The following CCSER1 variants were observed in gnomAD, a reference collection of about 807,000 sequenced individuals.
CCSER1 encodes coiled-coil serine rich protein 1, also known as serine-rich coiled-coil domain-containing protein 1.
A neutral mutation model predicts 82.0 loss-of-function variants in CCSER1; 41 were observed. That is an observed-to-expected ratio of 0.50 (90% confidence interval 0.39 to 0.65). The LOEUF is 0.65. Ranked by LOEUF, CCSER1 falls within the 30% of genes least tolerant of loss-of-function variation. The pLI, the probability that CCSER1 is intolerant of heterozygous loss-of-function variation, is 0.00. For synonymous variants in CCSER1, 414 were observed against 383.9 expected, an observed-to-expected ratio of 1.08 and a Z score of -0.92; for missense variants, 1,119 against 1,064.2, an observed-to-expected ratio of 1.05 and a Z score of -0.72.
chr4:91,039,656 C>T (rs1334612240), intron 9 of CCSER1, among the ~76,000 whole-genome samples: 1 of 151,716 alleles, frequency 6.6e-6, no homozygotes, highest in Non-Finnish European at 1.5e-5. Flanking sequence ...CATACATACA[C>T]ATATATATTT....
intron 10 of CCSER1, among the ~76,000 whole-genome samples, chr4:91,111,380 G>T (rs1726080768): frequency 6.6e-6 from 1 of 151,938 alleles, no homozygotes; most frequent in Admixed American, 6.6e-5. Flanking sequence ...GTTTTAAAAT[G>T]ACATTGTTAA....
intron 10 of CCSER1, among the ~76,000 whole-genome samples, chr4:91,551,283 T>C (rs138018301): frequency 1.3e-5 from 2 of 152,256 alleles, no homozygotes; most frequent in African/African-American, 4.8e-5. Context: ...AGTGCCTTTA[T>C]AGATTAAAGG....
chr4:91,101,625 C>T (rs1195696576), intron 10 of CCSER1, among the ~76,000 whole-genome samples: 1 of 79,908 alleles, frequency 1.3e-5, no homozygotes, highest in African/African-American at 5.1e-5. Context: ...CAGAGCAAGA[C>T]TCCGTCTCAA....
chr4:90,427,091 C>T (rs1177363900), intron 4 of CCSER1, among the ~76,000 whole-genome samples: 3 of 152,020 alleles, frequency 2.0e-5, no homozygotes, highest in East Asian at 1.9e-4. Context: ...AATTTATAAA[C>T]GTTTAGAGAC....
Position 91,153,892 on chromosome 4 carries a change from C to T in CCSER1, c.2217+67898C>T, listed in dbSNP as rs1422749926. 6.6e-5 allele frequency among the ~76,000 whole-genome samples: 10 copies of T among 151,960 alleles called. 1 individual carries two copies. Among genetic ancestry groups the T allele is most frequent in the East Asian group, 3.9e-4 (2 of 5,154 alleles). The stretch of plus-strand genomic sequence containing the variant: ...GGAAGCTTTGTCTCAGAGGGGCCCC[C>T]GGCTGTATGAGGTGTCAGTCGGCCC... On this transcript the variant is annotated intron_variant, in intron 10 of 10. Transcript: ENST00000509176.
At chr4:91,020,518 CG>C (rs1467244551) in intron 9 of CCSER1, among the ~76,000 whole-genome samples, 1 of 151,888 alleles carries the variant, frequency 6.6e-6, no homozygotes, top group Non-Finnish European at 1.5e-5. Context: ...AAAAATTAGC[CG>C]GGTGTGGTGG....
Position 91,170,393 on chromosome 4 carries a change from A to T in CCSER1, c.2217+84399A>T, listed in dbSNP as rs919454457. Among the ~76,000 whole-genome samples the T allele has an allele frequency of 2.6e-5, 4 of 152,202 alleles. No individual in the cohort carries two copies. In the South Asian group the frequency reaches 6.2e-4, roughly 24 times the overall value. ...AAAGCATATGCCAATGAAGCAAAAA[A>T]TGACAGAGACAAAGAAATGCAGAAG... On this transcript the variant is annotated intron_variant, in intron 10 of 10. Coordinates refer to ENST00000509176, the MANE Select transcript of CCSER1 (RefSeq NM_001145065.2).
chr4:91,164,209 G>A (rs1731771193), intron 10 of CCSER1, among the ~76,000 whole-genome samples: 1 of 152,172 alleles, frequency 6.6e-6, no homozygotes, highest in Non-Finnish European at 1.5e-5. Flanking sequence ...GGCTGGATAT[G>A]AAATTCTGGG....
chr4:90,492,957 A>C, intron 5 of CCSER1, among the ~76,000 whole-genome samples: 1 of 152,198 alleles, frequency 6.6e-6, no homozygotes, highest in East Asian at 1.9e-4. Context: ...CAGAAGATCA[A>C]ACTTCTCCGA....
At chr4:90,169,682 C>T (rs1200061167) in intron 1 of CCSER1, among the ~76,000 whole-genome samples, 1 of 151,988 alleles carries the variant, frequency 6.6e-6, no homozygotes, top group East Asian at 1.9e-4. Flanking sequence ...CTCTCTGTAC[C>T]ACAAAAACGG....
At chr4:91,323,776 G>C (rs1438090918) in intron 10 of CCSER1, among the ~76,000 whole-genome samples, 2 of 152,140 alleles carry the variant, frequency 1.3e-5, no homozygotes, top group Admixed American at 6.6e-5. Flanking sequence ...TAGCGCAATG[G>C]CCTATGGATG....
intron 10 of CCSER1, among the ~76,000 whole-genome samples, chr4:91,211,875 T>G (rs1736850231): frequency 6.6e-6 from 1 of 151,998 alleles, no homozygotes; most frequent in African/African-American, 2.4e-5. Context: ...TCTAACAAAC[T>G]CTTAAAGAAA....
intron 1 of CCSER1, among the ~76,000 whole-genome samples, chr4:90,300,035 T>C (rs1732796236): frequency 6.6e-6 from 1 of 152,120 alleles, no homozygotes; most frequent in African/African-American, 2.4e-5. Flanking sequence ...TTTAGTGTGG[T>C]CATTAAGGCT....
chr4:90,758,967 G>T (rs1750003266), intron 7 of CCSER1, among the ~76,000 whole-genome samples: 1 of 152,030 alleles, frequency 6.6e-6, no homozygotes, highest in African/African-American at 2.4e-5. Flanking sequence ...ATTCTGTTAT[G>T]TTCTTTTAGT....
chr4:90,637,642 C>T (rs72871997), intron 6 of CCSER1, among the ~76,000 whole-genome samples: 11,636 of 151,986 alleles, frequency 0.077, 557 homozygotes, highest in East Asian at 0.18. Context: ...TGTGTATAGC[C>T]GTAGATGAGG....
chr4:91,140,239 A>C (rs1728898439), intron 10 of CCSER1, among the ~76,000 whole-genome samples: 1 of 151,898 alleles, frequency 6.6e-6, no homozygotes, highest in Admixed American at 6.6e-5. Flanking sequence ...TGATGAGAAA[A>C]AGATAATAGA....
intron 3 of CCSER1, among the ~76,000 whole-genome samples, chr4:90,322,420 C>T (rs929773373): frequency 1.3e-5 from 2 of 152,040 alleles, no homozygotes; most frequent in Admixed American, 6.6e-5. Context: ...TGTGATTCCT[C>T]CAGTTTTATT....
chr4:90,447,307 C>T (rs946655951), intron 4 of CCSER1, among the ~76,000 whole-genome samples: 2 of 150,734 alleles, frequency 1.3e-5, no homozygotes, highest in Non-Finnish European at 3.0e-5. Flanking sequence ...ACACCAAATA[C>T]GTGAGAGAAA....
In CCSER1 at chr4:90,933,078, GAAAGA is replaced by G. The variant is rs1311308019; in HGVS notation, c.2172+9644_2172+9648del. 1.5e-4 allele frequency among the ~76,000 whole-genome samples: 16 copies of G among 105,824 alleles called. 3 individuals are homozygous for G. The highest frequency in any genetic ancestry group is 2.2e-4 in the Non-Finnish European group (12 of 54,234). The allele number at this position is 105,824 out of a possible 152,430, so 69.4% of individuals were successfully genotyped here. A position where few individuals can be genotyped will look rare whatever the true frequency, so the allele number is the denominator to read the frequency against. On this transcript the variant is annotated intron_variant, in intron 9 of 10. Coordinates refer to ENST00000509176, the MANE Select transcript of CCSER1 (RefSeq NM_001145065.2). ...GGAACGAAGGAAAGAAGAAAAGAAAGAAAGAAAAGAAAAGAAAGAAAGAAACAATG... is the reference window on the plus strand; with the variant it reads ...GGAACGAAGGAAAGAAGAAAAGAAAGAAAGAAAAGAAAGAAAGAAACAATG...
Sources: gnomAD v4.1 joint callset for allele counts (sites outside exome capture counted in the v4.1 genomes callset) on GRCh38, gnomAD v4.1.1 for gene constraint, MANE v1.5 for transcripts, NCBI Gene and HGNC (gene_info 2026-07-23, HGNC 2026-07-21) for gene names.